ACADSB: variants seen among roughly 807,000 people sequenced by gnomAD.
ACADSB encodes short/branched chain specific acyl-CoA dehydrogenase, mitochondrial.
ACADSB carries 40 observed loss-of-function variants against 54.1 expected under a neutral mutation model. That is an observed-to-expected ratio of 0.74 (90% CI 0.57 to 0.96). The LOEUF is 0.96. ACADSB is among the 40% of genes least tolerant of loss of function. ACADSB has a pLI of 0.00. For synonymous variants in ACADSB, 182 were observed against 182.8 expected (o/e 1.00, Z 0.03); for missense variants, 530 against 510.4 (o/e 1.04, Z -0.37).
Position 123,048,150 on chromosome 10 carries a change from A to G in ACADSB, c.990+852A>G, listed in dbSNP as rs137950999. 3.4e-3 allele frequency among the ~76,000 whole-genome samples: 516 copies of G among 152,350 alleles called. 2 individuals are homozygous for G. Among genetic ancestry groups the G allele is most frequent in the African/African-American group, 0.012 (487 of 41,584 alleles). On this transcript the variant is annotated intron_variant, in intron 8 of 10. Coordinates refer to ENST00000358776, the MANE Select transcript of ACADSB (RefSeq NM_001609.4). ...TCCCCTTAAGCAGCTCTGGGCTCCA[A>G]GTACAATTTATGATTGCATTGCCAA...
At position 123,041,359 on chromosome 10, in the gene ACADSB, G is replaced by C; in HGVS notation, c.661G>C (p.Ala221Pro). ...AEHAGLFLVM[A>P]NVDPTIGYKG... ...GCACGCAGGGCTCTTTCTGGTGATG[G>C]CAAATGTAGACCCTACCATTGTAAG... Residue 221 changes from alanine to proline, a missense_variant, in exon 5 of 11, where the codon GCA becomes CCA. Coordinates refer to ENST00000358776, the MANE Select transcript of ACADSB (RefSeq NM_001609.4). 6.2e-7 allele frequency: 1 copy of C among 1,614,166 alleles called. No individual in the cohort carries two copies.
intron 6 of ACADSB, among the ~76,000 whole-genome samples, chr10:123,043,967 C>T (rs1282765447): frequency 4.6e-5 from 7 of 152,124 alleles, no homozygotes; most frequent in Non-Finnish European, 8.8e-5. Flanking sequence ...TATACCCCAC[C>T]GTTGATTTTT....
chr10:123,049,158 T>C (rs1478135285), intron 8 of ACADSB, among the ~76,000 whole-genome samples: 1 of 152,230 alleles, frequency 6.6e-6, no homozygotes. Context: ...AACATTATTA[T>C]AGCTGTATAA....
intron 1 of ACADSB, among the ~76,000 whole-genome samples, chr10:123,019,495 A>T (rs1030551619): frequency 6.6e-5 from 10 of 152,164 alleles, no homozygotes; most frequent in African/African-American, 2.2e-4. Flanking sequence ...TTGCAGAAGC[A>T]TTTTTTCTGT....
intron 1 of ACADSB, among the ~76,000 whole-genome samples, chr10:123,010,710 G>A (rs183192209): frequency 1.2e-4 from 18 of 152,304 alleles, no homozygotes; most frequent in African/African-American, 4.3e-4. Flanking sequence ...TGCTCGGAAT[G>A]TAGTCAGCTC....
chr10:123,009,185 C>A, intron 1 of ACADSB, 114 bp downstream of exon 1: 1 of 1,172,102 alleles, frequency 8.5e-7, no homozygotes, highest in Non-Finnish European at 1.2e-6. Flanking sequence ...CCCCGCTCCA[C>A]GTCCTGGGTC....
At chr10:123,042,122 C>T (rs766934576) in intron 5 of ACADSB, among the ~76,000 whole-genome samples, 20 of 152,018 alleles carry the variant, frequency 1.3e-4, no homozygotes, top group East Asian at 3.9e-4. Context: ...TGCACCACCA[C>T]GCACAGCTAA....
At chr10:123,027,637 C>T (rs772556672) in intron 1 of ACADSB, 1 of 417,008 alleles carries the variant, frequency 2.4e-6, no homozygotes, top group Non-Finnish European at 4.8e-6. Flanking sequence ...GCAGGTATGT[C>T]TTTATCCACA....
intron 3 of ACADSB, 76 bp downstream of exon 3, chr10:123,037,923 T>G (rs1021189938): frequency 5.2e-5 from 54 of 1,045,666 alleles, no homozygotes; most frequent in Non-Finnish European, 7.5e-5. Flanking sequence ...TAATGAACCC[T>G]GCATTTCCCA....
rs75352397 is a variant in ACADSB at position 123,027,127 on chromosome 10, A to G, written c.43-7229A>G. The stretch of plus-strand genomic sequence containing the variant: ...TGGTTTGGTTTTTGAAAATCATAAG[A>G]TGGGTTGAATTTTCAGTCTCCAAAG... On this transcript the variant is annotated intron_variant, in intron 1 of 10. Coordinates refer to ENST00000358776, the MANE Select transcript of ACADSB (RefSeq NM_001609.4). Among the ~76,000 whole-genome samples the G allele has an allele frequency of 3.4e-3, 525 of 152,294 alleles. 3 individuals are homozygous for G. Among genetic ancestry groups the G allele is most frequent in the African/African-American group, 0.011 (470 of 41,560 alleles).
In ACADSB at chr10:123,010,515, G is replaced by A. The variant is rs1474802598; in HGVS notation, c.42+1444G>A. On this transcript the variant is annotated intron_variant, in intron 1 of 10. Coordinates refer to ENST00000358776, the MANE Select transcript of ACADSB (RefSeq NM_001609.4). ...TGTAGCATAGTGGTTAAGAACGTAG[G>A]TTCTGTAGCTAGGCTGCTTGGATCT... 3.9e-5 allele frequency among the ~76,000 whole-genome samples: 6 copies of A among 152,288 alleles called. No individual in the cohort carries two copies. In the East Asian group the frequency reaches 9.6e-4, roughly 24 times the overall value.
At chr10:123,036,519 T>C (rs1850401078) in intron 2 of ACADSB, among the ~76,000 whole-genome samples, 3 of 152,238 alleles carry the variant, frequency 2.0e-5, no homozygotes. Flanking sequence ...AGTATCTTGA[T>C]TCTCTGTCTT....
At position 123,054,443 on chromosome 10, in the gene ACADSB, A is replaced by G. The variant is rs1850678669; in HGVS notation, c.*678A>G. The G allele has an allele frequency of 6.6e-6, 1 of 152,214 alleles. No individual in the cohort carries two copies. The highest frequency in any genetic ancestry group is 1.5e-5 in the Non-Finnish European group (1 of 68,032). 9.4% of individuals were successfully genotyped at this position (152,214 alleles called of 1,614,324 possible). A position where few individuals can be genotyped will look rare whatever the true frequency, so the allele number is the denominator to read the frequency against. On this transcript the variant is annotated 3_prime_UTR_variant, in exon 11 of 11. Coordinates refer to ENST00000358776, the MANE Select transcript of ACADSB (RefSeq NM_001609.4). ...ATAGTTTATATTCCTATTAAATCTT[A>G]ATCTTGTGGCATCAGGGAAATATTT...
At chr10:123,034,654 C>A in intron 2 of ACADSB, 139 bp downstream of exon 2, 1 of 890,850 alleles carries the variant, frequency 1.1e-6, no homozygotes, top group South Asian at 1.4e-5. Flanking sequence ...GGAAAAATAT[C>A]ACCTTATTAT....
intron 2 of ACADSB, among the ~76,000 whole-genome samples, chr10:123,035,456 A>G (rs868857787): frequency 7.9e-5 from 12 of 152,166 alleles, no homozygotes; most frequent in African/African-American, 2.4e-5. Context: ...GAACATCAGA[A>G]TGTTGTTCTT....
chr10:123,035,850 C>G (rs545208661), intron 2 of ACADSB, among the ~76,000 whole-genome samples: 1 of 152,302 alleles, frequency 6.6e-6, no homozygotes, highest in Admixed American at 6.5e-5. Flanking sequence ...TCGAGTCTCT[C>G]TCATCCTTAA....
At position 123,054,059 on chromosome 10, in the gene ACADSB, C is replaced by T; in HGVS notation, c.*294C>T. On this transcript the variant is annotated 3_prime_UTR_variant, in exon 11 of 11. Coordinates refer to ENST00000358776, the MANE Select transcript of ACADSB (RefSeq NM_001609.4). ...ATATATATATTTTTACTCTGTCTTACTCTGTCACCCAGGCTAGAGTGCAGT... is the reference window on the plus strand; with the variant it reads ...ATATATATATTTTTACTCTGTCTTATTCTGTCACCCAGGCTAGAGTGCAGT... The T allele has an allele frequency of 2.4e-6, 1 of 414,376 alleles. No individual in the cohort carries two copies. Among genetic ancestry groups the T allele is most frequent in the Admixed American group, 3.7e-5 (1 of 27,260 alleles). 25.7% of individuals were successfully genotyped at this position (414,376 alleles called of 1,614,324 possible).
intron 1 of ACADSB, among the ~76,000 whole-genome samples, chr10:123,029,402 C>T (rs1300443362): frequency 6.6e-6 from 1 of 151,842 alleles, no homozygotes; most frequent in African/African-American, 2.4e-5. Flanking sequence ...ACAGAACTCA[C>T]ACTTCCACCC....
Position 123,057,305 on chromosome 10 carries a change from C to G in ACADSB, c.*3540C>G, listed in dbSNP as rs891659053. ...GTATGTATATTTTGTGCATATTCAC[C>G]AATAACAGTTAAAATTAATTATGTG... On this transcript the variant is annotated 3_prime_UTR_variant, in exon 11 of 11. Transcript: ENST00000358776. 3 of 152,110 alleles carry G rather than the reference C, an allele frequency of 2.0e-5. No individual in the cohort carries two copies. Among genetic ancestry groups the G allele is most frequent in the Non-Finnish European group, 4.4e-5 (3 of 68,006 alleles). The allele number at this position is 152,110 out of a possible 1,614,324, so 9.4% of individuals were successfully genotyped here. A position where few individuals can be genotyped will look rare whatever the true frequency, so the allele number is the denominator to read the frequency against.
Sources: gnomAD v4.1 joint callset for allele counts (sites outside exome capture counted in the v4.1 genomes callset) on GRCh38, gnomAD v4.1.1 for gene constraint, MANE v1.5 for transcripts, NCBI Gene and HGNC (gene_info 2026-07-23, HGNC 2026-07-21) for gene names.